Variants in SLIT3 observed in about 807,000 individuals in gnomAD.
SLIT3 encodes slit homolog 3 protein.
A neutral mutation model predicts 184.0 loss-of-function variants in SLIT3; 68 were observed. The observed-to-expected ratio is 0.37, with a 90% CI of 0.30 to 0.45. The LOEUF is 0.45. Ranked by LOEUF, SLIT3 falls within the 20% of genes least tolerant of loss-of-function variation. The pLI is 1.00. For synonymous variants in SLIT3, 831 were observed against 828.6 expected, an observed-to-expected ratio of 1.00 and a Z score of -0.05; for missense variants, 1,707 against 2,026.0, an observed-to-expected ratio of 0.84 and a Z score of 3.02.
intron 3 of SLIT3, among the ~76,000 whole-genome samples, chr5:169,211,689 T>G (rs1481429992): frequency 6.6e-6 from 1 of 152,208 alleles, no homozygotes; most frequent in Non-Finnish European, 1.5e-5. Context: ...GTGCAGAATG[T>G]GCAGTTTTGT....
intron 4 of SLIT3, among the ~76,000 whole-genome samples, chr5:169,002,307 A>AAC (rs1231674978): frequency 1.4e-5 from 2 of 138,662 alleles, no homozygotes; most frequent in African/African-American, 5.5e-5. Flanking sequence ...TGAGCAACAG[A>AAC]ACGAGACTCT....
intron 14 of SLIT3, 103 bp from the exon 15 acceptor site, chr5:168,762,792 G>C: frequency 9.1e-7 from 1 of 1,100,242 alleles, no homozygotes. Context: ...GAATGAGTTG[G>C]GGGCTGTTAG....
intron 4 of SLIT3, among the ~76,000 whole-genome samples, chr5:169,146,350 C>T (rs1333702351): frequency 6.6e-6 from 1 of 152,206 alleles, no homozygotes; most frequent in Non-Finnish European, 1.5e-5. Context: ...GTGTTTGGCC[C>T]ATGTTCCTGC....
At chr5:168,858,864 G>A (rs951435168) in intron 5 of SLIT3, among the ~76,000 whole-genome samples, 1 of 152,208 alleles carries the variant, frequency 6.6e-6, no homozygotes, top group Middle Eastern at 3.2e-3. Context: ...ACTATGCTTT[G>A]GTTCCTAAGG....
At chr5:169,104,650 G>T (rs1176802771) in intron 4 of SLIT3, among the ~76,000 whole-genome samples, 2 of 152,050 alleles carry the variant, frequency 1.3e-5, no homozygotes, top group Non-Finnish European at 2.9e-5. Flanking sequence ...TCTTCTCCTG[G>T]TCATGAGCTT....
intron 4 of SLIT3, among the ~76,000 whole-genome samples, chr5:168,972,750 T>A (rs1222737036): frequency 6.6e-6 from 1 of 152,192 alleles, no homozygotes; most frequent in Non-Finnish European, 1.5e-5. Flanking sequence ...TGTCTTTGCC[T>A]GTTTTAACTC....
At chr5:169,269,936 T>C (rs1766541652) in intron 1 of SLIT3, among the ~76,000 whole-genome samples, 2 of 152,212 alleles carry the variant, frequency 1.3e-5, no homozygotes, top group Admixed American at 6.5e-5. Context: ...GGACATTCCA[T>C]TTATCTTAAG....
At chr5:169,274,729 C>A (rs558084765) in intron 1 of SLIT3, among the ~76,000 whole-genome samples, 4 of 152,302 alleles carry the variant, frequency 2.6e-5, no homozygotes, top group African/African-American at 9.6e-5. Flanking sequence ...TTGACACTGG[C>A]ATCTTCCTGG....
At chr5:169,296,148 C>A (rs1355279220) in intron 1 of SLIT3, among the ~76,000 whole-genome samples, 1 of 152,112 alleles carries the variant, frequency 6.6e-6, no homozygotes, top group Admixed American at 6.5e-5. Context: ...TAGTCATATG[C>A]CAGAATGCAG....
At chr5:168,854,532 C>T (rs1007347647) in intron 5 of SLIT3, among the ~76,000 whole-genome samples, 1 of 152,200 alleles carries the variant, frequency 6.6e-6, no homozygotes, top group Admixed American at 6.5e-5. Flanking sequence ...GCTTCAATTC[C>T]AGATCACCTA....
intron 29 of SLIT3, among the ~76,000 whole-genome samples, chr5:168,690,883 G>T (rs1761887437): frequency 6.6e-6 from 1 of 152,162 alleles, no homozygotes; most frequent in Non-Finnish European, 1.5e-5. Flanking sequence ...CACGATAAAA[G>T]ACATGCTCAT....
intron 3 of SLIT3, among the ~76,000 whole-genome samples, chr5:169,238,541 A>C (rs905432630): frequency 7.0e-4 from 64 of 91,134 alleles, no homozygotes; most frequent in African/African-American, 2.9e-3. Flanking sequence ...GCAGTGAAAT[A>C]GCTTTTTTTT....
At chr5:169,214,708 A>G (rs188509871) in intron 3 of SLIT3, among the ~76,000 whole-genome samples, 1 of 152,282 alleles carries the variant, frequency 6.6e-6, no homozygotes, top group East Asian at 1.9e-4. Context: ...AATGAATCCA[A>G]CGTGACATCT....
Position 168,719,084 on chromosome 5 carries a change from C to T in SLIT3, c.2483+3172G>A, listed in dbSNP as rs187165932. Among the ~76,000 whole-genome samples, 223 of 152,360 alleles carry T rather than the reference C, an allele frequency of 1.5e-3. 1 individual carries two copies. Among genetic ancestry groups the T allele is most frequent in the Middle Eastern group, 3.4e-3 (1 of 294 alleles). On this transcript the variant is annotated intron_variant, in intron 23 of 35. Coordinates refer to ENST00000519560, the MANE Select transcript of SLIT3 (RefSeq NM_003062.4). ...ATTTCTTTTGAAACAAGGTCTTGCT[C>T]TGTGTTACCCAGGCTGGAGTGCAGT... is the stretch of plus-strand genomic sequence containing the variant.
At chr5:168,716,870 C>A (rs1220419192) in intron 23 of SLIT3, among the ~76,000 whole-genome samples, 5 of 150,196 alleles carry the variant, frequency 3.3e-5, no homozygotes, top group African/African-American at 1.3e-4. Context: ...GAGCACTGGG[C>A]TAGGAGCCCA....
chr5:168,662,585 T>C lies in SLIT3; in HGVS notation c.*3869A>G, dbSNP rs1760902821. Reference sequence around the variant, plus strand: ...AAAACTGTCTTCTAACAAGGGCCTTTTGGCATGTCCATAACAGCAACAACA... The same window carrying C: ...AAAACTGTCTTCTAACAAGGGCCTTCTGGCATGTCCATAACAGCAACAACA... On this transcript the variant is annotated 3_prime_UTR_variant, in exon 36 of 36. Transcript: ENST00000519560. 1 of 152,232 alleles carries C rather than the reference T, an allele frequency of 6.6e-6. No homozygotes were observed. 9.4% of individuals were successfully genotyped at this position (152,232 alleles called of 1,614,324 possible).
chr5:168,719,636 G>T (rs1271200807), intron 23 of SLIT3, among the ~76,000 whole-genome samples: 2 of 152,110 alleles, frequency 1.3e-5, no homozygotes, highest in Admixed American at 1.3e-4. Flanking sequence ...CCCCACTGTG[G>T]CCCTTGTAGG....
chr5:168,981,734 T>C (rs1232792105), intron 4 of SLIT3, among the ~76,000 whole-genome samples: 1 of 152,246 alleles, frequency 6.6e-6, no homozygotes, highest in Non-Finnish European at 1.5e-5. Flanking sequence ...GCATCTGCTC[T>C]CATATTCCTC....
intron 4 of SLIT3, among the ~76,000 whole-genome samples, chr5:169,013,681 C>T (rs752181391): frequency 6.6e-6 from 1 of 152,122 alleles, no homozygotes; most frequent in Non-Finnish European, 1.5e-5. Flanking sequence ...AAATAGGTGG[C>T]CCAGGGCAGC....
Sources: allele counts gnomAD v4.1 joint callset (sites outside exome capture counted in the v4.1 genomes callset), GRCh38; gene constraint gnomAD v4.1.1; transcripts MANE v1.5; gene names NCBI Gene and HGNC (gene_info 2026-07-23, HGNC 2026-07-21).